The following CD226 variants were observed in gnomAD, a reference collection of about 807,000 sequenced individuals.
CD226 encodes the protein CD226 antigen.
In CD226, 24 loss-of-function variants were observed where a neutral mutation model predicts 34.9. The ratio of observed to expected loss-of-function variants is 0.69; its 90% CI spans 0.50 to 0.97. The LOEUF is 0.97. Ranked by LOEUF, CD226 falls within the 50% of genes least tolerant of loss-of-function variation. The pLI is 0.00. For synonymous variants in CD226, 148 were observed against 147.4 expected (o/e 1.00, Z -0.03); for missense variants, 397 against 412.7 (o/e 0.96, Z 0.33).
chr18:69,957,344 G>C (rs1385780702), upstream of CD226, among the ~76,000 whole-genome samples: 2 of 103,876 alleles, frequency 1.9e-5, no homozygotes, highest in African/African-American at 2.5e-5. Flanking sequence ...TTACTTTCTA[G>C]ATACTCTTTT....
At chr18:69,952,712 G>C (rs11664236), upstream of CD226, among the ~76,000 whole-genome samples, 126,774 of 152,164 alleles carry the variant, frequency 0.83, 57,094 homozygotes, top group East Asian at 1. Context: ...AGACATGACA[G>C]CAAACCTATG....
At chr18:69,950,406 T>C (rs576085881), upstream of CD226, among the ~76,000 whole-genome samples, 28 of 152,212 alleles carry the variant, frequency 1.8e-4, no homozygotes, top group African/African-American at 6.3e-4. Context: ...CAGACGAACA[T>C]ACAAATAAAT....
chr18:69,947,514 T>C lies in CD226; in HGVS notation c.-108A>G, dbSNP rs2055808895. On this transcript the variant is annotated 5_prime_UTR_variant, in exon 1 of 6. Transcript: ENST00000582621. ...GCAGTTTCCTTCCTCTCAGATGTTA[T>C]CAGTCGTGTCTTCTTTTTCTGAAGT... 1 of 620,340 alleles carries C rather than the reference T, an allele frequency of 1.6e-6. No homozygotes were observed. The highest frequency in any genetic ancestry group is 3.2e-5 in the Admixed American group (1 of 31,092). 38.4% of individuals were successfully genotyped at this position (620,340 alleles called of 1,614,324 possible). A position where few individuals can be genotyped will look rare whatever the true frequency, so the allele number is the denominator to read the frequency against.
chr18:69,906,489 C>T (rs1161958181), intron 2 of CD226, among the ~76,000 whole-genome samples: 1 of 151,892 alleles, frequency 6.6e-6, no homozygotes, highest in Admixed American at 6.6e-5. Flanking sequence ...AACACAAGGT[C>T]CTCTGGTCTT....
At chr18:69,906,844 G>A (rs2145275542) in intron 2 of CD226, among the ~76,000 whole-genome samples, 1 of 152,276 alleles carries the variant, frequency 6.6e-6, no homozygotes, top group Non-Finnish European at 1.5e-5. Context: ...GCTTGACTCG[G>A]ACAGTGAGCA....
chr18:69,907,688 G>A (rs1040694669), intron 2 of CD226, among the ~76,000 whole-genome samples: 1 of 152,182 alleles, frequency 6.6e-6, no homozygotes, highest in Non-Finnish European at 1.5e-5. Flanking sequence ...GGTGCTTACA[G>A]TGGCTGGGGA....
rs1489751174 is a variant in CD226 at position 69,860,197 on chromosome 18, CCTG to C, written c.*4114_*4116del. 2 of 151,988 alleles carry C rather than the reference CCTG, an allele frequency of 1.3e-5. No individual in the cohort carries two copies. Among genetic ancestry groups the C allele is most frequent in the African/African-American group, 4.8e-5 (2 of 41,362 alleles). The allele number at this position is 151,988 out of a possible 1,614,324, so 9.4% of individuals were successfully genotyped here. ...TAATTTTATTCTGTAGAAATTTTTC[CCTG>C]CTATTTCTCCATGGCAAATGAAAGT... On this transcript the variant is annotated 3_prime_UTR_variant, in exon 6 of 6. Transcript: ENST00000582621.
intron 2 of CD226, among the ~76,000 whole-genome samples, chr18:69,898,236 T>C (rs1031754243): frequency 6.6e-6 from 1 of 152,218 alleles, no homozygotes; most frequent in Non-Finnish European, 1.5e-5. Flanking sequence ...TCGACTTTCA[T>C]GTGAGCCCTT....
intron 3 of CD226, among the ~76,000 whole-genome samples, chr18:69,891,739 TAAC>T (rs1984916464): frequency 6.6e-6 from 1 of 152,114 alleles, no homozygotes; most frequent in Non-Finnish European, 1.5e-5. Context: ...CCATCCCCAA[TAAC>T]AATAAAAGGA....
rs377116258 is a variant in CD226, at chr18:69,953,915, G to A, written c.-28+2840C>T. On this transcript the variant is annotated intron_variant, in intron 1 of 6. Transcript: ENST00000280200. Reference sequence around the variant, plus strand: ...CTTGGGAGGCTGAGACAGGAGAATCGCTTGAACCCAGGAGGTGGAGGTTGC... The same window carrying A: ...CTTGGGAGGCTGAGACAGGAGAATCACTTGAACCCAGGAGGTGGAGGTTGC... Among the ~76,000 whole-genome samples the A allele has an allele frequency of 2.6e-4, 39 of 151,356 alleles. No homozygotes were observed. The East Asian group carries it at 3.5e-3, about 14-fold the overall frequency.
intron 1 of CD226, among the ~76,000 whole-genome samples, chr18:69,953,872 C>T (rs1169604206): frequency 6.6e-6 from 1 of 151,600 alleles, no homozygotes; most frequent in Non-Finnish European, 1.5e-5. Flanking sequence ...TGGTGGTGCG[C>T]AACTGTAATC....
chr18:69,874,294 G>A (rs1168446832), intron 3 of CD226, among the ~76,000 whole-genome samples: 3 of 152,168 alleles, frequency 2.0e-5, no homozygotes. Flanking sequence ...GCCCAGTGAG[G>A]TCAGAGAACA....
chr18:69,875,501 C>T (rs1364162586), intron 3 of CD226, among the ~76,000 whole-genome samples: 1 of 152,220 alleles, frequency 6.6e-6, no homozygotes, highest in African/African-American at 2.4e-5. Flanking sequence ...TTTACATTCC[C>T]GCCAACAGTG....
chr18:69,896,147 C>G (rs1985278650), intron 2 of CD226, 102 bp from the exon 3 acceptor site: 1 of 1,458,314 alleles, frequency 6.9e-7, no homozygotes, highest in African/African-American at 1.4e-5. Flanking sequence ...TTACCTAACA[C>G]AGTTCTTCCG....
Position 69,946,749 on chromosome 18 carries a change from G to GT in CD226, c.366dup (p.Gln123ThrfsTer7). ...TTGCCCTTACCTGACTGAACCACCT[G>GT]TATCACCTTCTGCCAAGTTCCCTGT... On this transcript the variant is annotated frameshift_variant, in exon 2 of 6. Transcript: ENST00000582621. LOFTEE classifies it high-confidence loss of function. 6.2e-7 allele frequency: 1 copy of GT among 1,612,194 alleles called. No homozygotes were observed. The highest frequency in any genetic ancestry group is 8.5e-7 in the Non-Finnish European group (1 of 1,178,832).
At chr18:69,917,898 A>C (rs545105326) in intron 2 of CD226, among the ~76,000 whole-genome samples, 101 of 152,192 alleles carry the variant, frequency 6.6e-4, no homozygotes, top group African/African-American at 2.3e-3. Context: ...GTTTGAATTC[A>C]CTCCAAAGAG....
intron 2 of CD226, among the ~76,000 whole-genome samples, chr18:69,904,810 T>C (rs2055231468): frequency 6.6e-6 from 1 of 152,192 alleles, no homozygotes; most frequent in African/African-American, 2.4e-5. Context: ...ATGTTACCAA[T>C]TGGCCCCCCA....
chr18:69,882,865 G>A (rs925135105), intron 3 of CD226, among the ~76,000 whole-genome samples: 4 of 152,106 alleles, frequency 2.6e-5, no homozygotes, highest in African/African-American at 4.8e-5. Context: ...ACAAGATCTC[G>A]CTATGTTGCT....
At chr18:69,878,747 T>G (rs1474955057) in intron 3 of CD226, among the ~76,000 whole-genome samples, 1 of 152,174 alleles carries the variant, frequency 6.6e-6, no homozygotes, top group Admixed American at 6.5e-5. Context: ...TTCGCCGCCA[T>G]CATGGTGTGT....
Sources: allele counts gnomAD v4.1 joint callset (sites outside exome capture counted in the v4.1 genomes callset), GRCh38; gene constraint gnomAD v4.1.1; transcripts MANE v1.5; gene names NCBI Gene and HGNC (gene_info 2026-07-23, HGNC 2026-07-21).